The following NREP variants were observed in gnomAD, a reference collection of about 807,000 sequenced individuals.
NREP encodes the protein neuronal regeneration related protein.
NREP carries 5 observed loss-of-function variants against 8.6 expected under a neutral mutation model. The observed-to-expected ratio is 0.58, with a 90% CI of 0.30 to 1.22. NREP has a LOEUF of 1.22. NREP is among the 50% of genes most tolerant of loss of function. The probability of loss-of-function intolerance (pLI) is 0.07; values close to 1 mark genes in which losing one functional copy is unlikely to be tolerated. For synonymous variants in NREP, 27 were observed against 28.0 expected, an observed-to-expected ratio of 0.96 and a Z score of 0.11; for missense variants, 86 against 82.5, an observed-to-expected ratio of 1.04 and a Z score of -0.17.
At position 111,835,747 on chromosome 5, in the gene NREP, C is replaced by T. The variant is rs867858081; in HGVS notation, c.136-100240G>A. 3.3e-5 allele frequency among the ~76,000 whole-genome samples: 5 copies of T among 152,028 alleles called. No homozygotes were observed. The Middle Eastern group carries it at 0.01, about 310-fold the overall frequency. ...GGTTTAAGACTTCAGGCTTTTGAGC[C>T]TGTTTATATGCTGAGTAGAAGAAGA... On this transcript the variant is annotated intron_variant, in intron 2 of 3. Coordinates refer to the NREP transcript ENST00000395634.
intron 2 of NREP, among the ~76,000 whole-genome samples, chr5:111,920,181 C>G (rs1243414339): frequency 2.6e-5 from 4 of 152,144 alleles, no homozygotes; most frequent in Admixed American, 2.0e-4. Flanking sequence ...TTGCCTTTCC[C>G]TGGTGCCTGC....
upstream of NREP, chr5:111,757,723 C>G: frequency 1.0e-6 from 1 of 984,720 alleles, no homozygotes. Context: ...CTCTGCGCCC[C>G]GGCCCCGCCC....
chr5:111,854,235 A>G (rs2112472270), intron 2 of NREP, among the ~76,000 whole-genome samples: 1 of 152,288 alleles, frequency 6.6e-6, no homozygotes. Flanking sequence ...GTCTGTGAAA[A>G]ATCTGGCCAC....
At chr5:111,878,075 C>G (rs1344625400) in intron 2 of NREP, among the ~76,000 whole-genome samples, 1 of 152,188 alleles carries the variant, frequency 6.6e-6, no homozygotes, top group Non-Finnish European at 1.5e-5. Context: ...CAGACGAGGA[C>G]TAGACTAGAG....
chr5:111,822,880 C>G (rs1752541339), intron 2 of NREP, among the ~76,000 whole-genome samples: 2 of 152,138 alleles, frequency 1.3e-5, no homozygotes, highest in African/African-American at 4.8e-5. Flanking sequence ...ATCAACATAT[C>G]ACTGGAATCA....
intron 2 of NREP, among the ~76,000 whole-genome samples, chr5:111,771,778 AC>A (rs1046580611): frequency 6.6e-6 from 1 of 151,582 alleles, no homozygotes. Context: ...AAAAAAAAAA[AC>A]AAAAAAATCA....
intron 2 of NREP, 121 bp from the exon 3 acceptor site, chr5:111,735,628 G>C (rs1163059464): frequency 4.7e-6 from 3 of 643,348 alleles, no homozygotes; most frequent in African/African-American, 3.6e-5. Flanking sequence ...CTACCACTTA[G>C]AGCACTGGGG....
chr5:111,739,032 A>AAAT (rs1749411752), intron 2 of NREP: 1 of 152,218 alleles, frequency 6.6e-6, no homozygotes, highest in African/African-American at 2.4e-5. Flanking sequence ...GATTGTTAGA[A>AAAT]AATAAATTTC....
chr5:111,799,637 A>G (rs1751955784), intron 2 of NREP, among the ~76,000 whole-genome samples: 1 of 152,204 alleles, frequency 6.6e-6, no homozygotes, highest in South Asian at 2.1e-4. Flanking sequence ...AAAGTCTGAG[A>G]CTGGCTTCAT....
chr5:111,823,725 T>G (rs917860527), intron 2 of NREP, among the ~76,000 whole-genome samples: 1 of 152,216 alleles, frequency 6.6e-6, no homozygotes, highest in Non-Finnish European at 1.5e-5. Flanking sequence ...AAAATTTCAC[T>G]AAATTCTTAT....
chr5:111,787,334 G>C lies in NREP; in HGVS notation c.136-51827C>G, dbSNP rs187817062. 3.1e-3 allele frequency among the ~76,000 whole-genome samples: 476 copies of C among 152,272 alleles called. 10 individuals are homozygous for C. Among genetic ancestry groups the C allele is most frequent in the Non-Finnish European group, 4.2e-3 (287 of 68,024 alleles). ...TGTTTAAAATTAAAACTAACCACTG[G>C]ATAATTCTTCCTTCCAATTGTTATT... On this transcript the variant is annotated intron_variant, in intron 2 of 3. Coordinates refer to the NREP transcript ENST00000395634.
chr5:111,908,519 G>C (rs1412495065), intron 2 of NREP, among the ~76,000 whole-genome samples: 1 of 152,072 alleles, frequency 6.6e-6, no homozygotes, highest in Non-Finnish European at 1.5e-5. Flanking sequence ...TTATAAGTGA[G>C]AACAAGTGGT....
intron 2 of NREP, among the ~76,000 whole-genome samples, chr5:111,805,404 A>T (rs1752117068): frequency 6.6e-6 from 1 of 152,228 alleles, no homozygotes; most frequent in South Asian, 2.1e-4. Context: ...AAATATTGAA[A>T]ACAACCTAAA....
At chr5:111,835,390 C>T (rs1393190452) in intron 2 of NREP, among the ~76,000 whole-genome samples, 4 of 152,036 alleles carry the variant, frequency 2.6e-5, no homozygotes, top group Non-Finnish European at 5.9e-5. Flanking sequence ...ACAAGGATCT[C>T]GCAATCGCCT....
At chr5:111,856,269 AG>A (rs1277810790) in intron 2 of NREP, among the ~76,000 whole-genome samples, 1 of 152,202 alleles carries the variant, frequency 6.6e-6, no homozygotes, top group Non-Finnish European at 1.5e-5. Context: ...ACTGATGCCT[AG>A]AAAGGTTAAT....
upstream of NREP, among the ~76,000 whole-genome samples, chr5:111,759,027 A>G (rs116669059): frequency 3.1e-3 from 472 of 152,356 alleles, 4 homozygotes; most frequent in African/African-American, 0.011. Context: ...AAGGGAAGAA[A>G]TATAAAACTC....
chr5:111,907,645 A>G (rs1022246671), intron 2 of NREP, among the ~76,000 whole-genome samples: 2 of 152,058 alleles, frequency 1.3e-5, no homozygotes, highest in African/African-American at 4.8e-5. Context: ...AATAATCACT[A>G]TTACTCTAAA....
At chr5:111,958,837 T>A (rs996150679) in intron 2 of NREP, among the ~76,000 whole-genome samples, 2 of 152,070 alleles carry the variant, frequency 1.3e-5, no homozygotes, top group Non-Finnish European at 2.9e-5. Context: ...AGAATTTTTT[T>A]AAGGATAACA....
At chr5:111,918,688 T>C (rs921478996) in intron 2 of NREP, among the ~76,000 whole-genome samples, 7 of 152,246 alleles carry the variant, frequency 4.6e-5, no homozygotes, top group African/African-American at 1.7e-4. Context: ...ACCCCTTCCT[T>C]ATACCTTATA....
Sources: allele counts gnomAD v4.1 joint callset (sites outside exome capture counted in the v4.1 genomes callset), GRCh38; gene constraint gnomAD v4.1.1; transcripts MANE v1.5; gene names NCBI Gene and HGNC (gene_info 2026-07-23, HGNC 2026-07-21).